CACNB1: variants seen among roughly 807,000 people sequenced by gnomAD.
CACNB1 encodes the protein calcium voltage-gated channel auxiliary subunit beta 1.
CACNB1 carries 29 observed loss-of-function variants against 71.6 expected under a neutral mutation model. The observed-to-expected ratio is 0.40, with a 90% CI of 0.30 to 0.55. The LOEUF (loss-of-function observed/expected upper bound fraction) is 0.55. CACNB1 is among the 20% of genes least tolerant of loss of function. The pLI, the probability that CACNB1 is intolerant of heterozygous loss-of-function variation, is 0.38. For synonymous variants in CACNB1, 300 were observed against 319.6 expected (o/e 0.94, Z 0.65); for missense variants, 623 against 801.8 (o/e 0.78, Z 2.69).
At chr17:39,180,066 A>C (rs1231089128) in intron 11 of CACNB1, among the ~76,000 whole-genome samples, 1 of 151,946 alleles carries the variant, frequency 6.6e-6, no homozygotes, top group Non-Finnish European at 1.5e-5. Context: ...GGAGTTCGAG[A>C]CCAGCCAGGC....
chr17:39,183,964 C>T lies in CACNB1; in HGVS notation c.898+67G>A. ...TGGAGATGGCCCTGCCCACTACCTCCCACACCTCCCACCCCTCCCACATCC... is the reference window on the plus strand; with the variant it reads ...TGGAGATGGCCCTGCCCACTACCTCTCACACCTCCCACCCCTCCCACATCC... On this transcript the variant is annotated intron_variant, in intron 10 of 13. Coordinates refer to ENST00000394303, the MANE Select transcript of CACNB1 (RefSeq NM_000723.5). The T allele has an allele frequency of 1.6e-5, 24 of 1,538,638 alleles. 2 individuals carry two copies. In the South Asian group the frequency reaches 2.5e-4, roughly 16 times the overall value.
chr17:39,187,582 G>A lies in CACNB1; in HGVS notation c.311C>T (p.Ala104Val). ...ATTGTAGCCAACATTTGTCCGCACA[G>A]CAAATGCCACTGGCTTGGTCTAGAG... Reference protein sequence around the residue: ...EKAKTKPVAFAVRTNVGYNPS... With the variant: ...EKAKTKPVAFVVRTNVGYNPS... The change falls in exon 4 of 14, where the codon GCT becomes GTT. Residue 104 changes from alanine (A) to valine (V), a missense_variant. Transcript: ENST00000394303. The A allele has an allele frequency of 1.2e-6, 2 of 1,614,200 alleles. No homozygotes were observed. Among genetic ancestry groups the A allele is most frequent in the Non-Finnish European group, 1.7e-6 (2 of 1,180,032 alleles).
In CACNB1 at chr17:39,186,621, G is replaced by A; in HGVS notation, c.552-49C>T. 6.4e-7 allele frequency: 1 copy of A among 1,556,712 alleles called. No homozygotes were observed. The highest frequency in any genetic ancestry group is 8.8e-7 in the Non-Finnish European group (1 of 1,131,354). On this transcript the variant is annotated intron_variant, in intron 5 of 13. Coordinates refer to ENST00000394303, the MANE Select transcript of CACNB1 (RefSeq NM_000723.5). This position sits in a 1 kb window ranked among gnomAD's most constrained non-coding sequence, Gnocchi z 4.1. ...GCTTGTGAGCAAAGAGGTGGGCGTG[G>A]GGGGCTCTCATCCTCTCACATGCGG...
chr17:39,183,338 AAG>A (rs1491258265), intron 11 of CACNB1, among the ~76,000 whole-genome samples: 7 of 116,708 alleles, frequency 6.0e-5, no homozygotes, highest in African/African-American at 3.0e-4. Flanking sequence ...ACTTAAAAAA[AAG>A]AAGAAGAAGA....
At chr17:39,183,567 G>C (rs751824614) in intron 11 of CACNB1, 146 bp downstream of exon 11, 71 of 688,080 alleles carry the variant, frequency 1.0e-4, no homozygotes, top group Middle Eastern at 4.1e-4. Flanking sequence ...TGAAACACTT[G>C]ACAATACGAT....
chr17:39,191,452 C>A, intron 3 of CACNB1, 22 bp downstream of exon 3: 2 of 1,589,314 alleles, frequency 1.3e-6, no homozygotes, highest in Non-Finnish European at 1.7e-6. Context: ...GCCAGCACAG[C>A]CCCTCCCCAC....
Position 39,185,154 on chromosome 17 carries a change from G to C in CACNB1, c.629-4C>G. On this transcript the variant is annotated splice_polypyrimidine_tract_variant and splice_region_variant and intron_variant, in intron 6 of 13. Transcript: ENST00000394303. ...ACCGACTTCTGCTTCTGTTTGGCTG[G>C]GTCCAGAGATTGCCAAGAGAGGGAA... The C allele has an allele frequency of 6.2e-7, 1 of 1,613,496 alleles. No individual in the cohort carries two copies. The highest frequency in any genetic ancestry group is 8.5e-7 in the Non-Finnish European group (1 of 1,179,454).
At chr17:39,195,499 C>A (rs777793935) in intron 1 of CACNB1, among the ~76,000 whole-genome samples, 1 of 152,136 alleles carries the variant, frequency 6.6e-6, no homozygotes, top group Non-Finnish European at 1.5e-5. Flanking sequence ...CCAACTCTTC[C>A]CTTCGCTATT....
chr17:39,184,154 C>A lies in CACNB1; in HGVS notation c.789-14G>T. ...GTGATGGAGATCCTGGGGAATGGGG[C>A]AAGAGGGGAGTCAGGGGTCAGGGTG... On this transcript the variant is annotated splice_polypyrimidine_tract_variant and intron_variant, in intron 9 of 13. Transcript: ENST00000394303. 2 of 1,537,782 alleles carry A rather than the reference C, an allele frequency of 1.3e-6. No homozygotes were observed. The highest frequency in any genetic ancestry group is 1.8e-6 in the Non-Finnish European group (2 of 1,111,472).
At position 39,174,511 on chromosome 17, in the gene CACNB1, G is replaced by C. The variant is rs75908957; in HGVS notation, c.*682C>G. 1.3e-5 allele frequency: 2 copies of C among 152,694 alleles called. No homozygotes were observed. Among genetic ancestry groups the C allele is most frequent in the Non-Finnish European group, 2.9e-5 (2 of 68,318 alleles). The allele number at this position is 152,694 out of a possible 1,614,324, so 9.5% of individuals were successfully genotyped here. A position where few individuals can be genotyped will look rare whatever the true frequency, so the allele number is the denominator to read the frequency against. On this transcript the variant is annotated 3_prime_UTR_variant, in exon 14 of 14. Coordinates refer to ENST00000394303, the MANE Select transcript of CACNB1 (RefSeq NM_000723.5). ...AGGCAAAGGCTGAGGCATGGAGGTGGGGGGTGGGGAGCAGCGTCTCGGCCG... is the reference window on the plus strand; with the variant it reads ...AGGCAAAGGCTGAGGCATGGAGGTGCGGGGTGGGGAGCAGCGTCTCGGCCG...
intron 3 of CACNB1, among the ~76,000 whole-genome samples, chr17:39,189,287 T>C (rs1249031393): frequency 6.6e-6 from 1 of 151,494 alleles, no homozygotes; most frequent in African/African-American, 2.4e-5. Context: ...CACTTGAATC[T>C]AGGAGGCAGA....
chr17:39,177,119 CCA>C, intron 13 of CACNB1: 1 of 1,426,510 alleles, frequency 7.0e-7, no homozygotes, highest in Non-Finnish European at 9.1e-7. Context: ...CCATCAAAAA[CCA>C]CAGACACCAG....
chr17:39,184,715 G>C, intron 8 of CACNB1, 69 bp downstream of exon 8: 1 of 1,123,634 alleles, frequency 8.9e-7, no homozygotes, highest in Admixed American at 1.7e-5. Context: ...GCCCTTCTAG[G>C]GGATCTCTCT....
At chr17:39,178,974 A>G (rs2045668424) in intron 11 of CACNB1, among the ~76,000 whole-genome samples, 2 of 152,176 alleles carry the variant, frequency 1.3e-5, no homozygotes, top group African/African-American at 4.8e-5. Context: ...AATTCAAGAA[A>G]GGCTGAGGAA....
chr17:39,183,990 G>T, intron 10 of CACNB1, 41 bp downstream of exon 10: 2 of 1,521,340 alleles, frequency 1.3e-6, no homozygotes, highest in Non-Finnish European at 1.8e-6. Context: ...TCCCACATCC[G>T]GCCCAGAAAG....
intron 12 of CACNB1, 50 bp from the exon 13 acceptor site, chr17:39,177,585 A>G: frequency 2.7e-6 from 4 of 1,480,974 alleles, no homozygotes; most frequent in Non-Finnish European, 3.7e-6. Flanking sequence ...GGGCATGGCC[A>G]AGGGGGTTGA....
rs918363785 is a variant in CACNB1, at chr17:39,197,582, C to T, written c.-87G>A. 2 of 1,051,536 alleles carry T rather than the reference C, an allele frequency of 1.9e-6. No homozygotes were observed. The highest frequency in any genetic ancestry group is 1.3e-6 in the Non-Finnish European group (1 of 746,608). The allele number at this position is 1,051,536 out of a possible 1,614,324, so 65.1% of individuals were successfully genotyped here. A position where few individuals can be genotyped will look rare whatever the true frequency, so the allele number is the denominator to read the frequency against. On this transcript the variant is annotated 5_prime_UTR_variant, in exon 1 of 14. Coordinates refer to ENST00000394303, the MANE Select transcript of CACNB1 (RefSeq NM_000723.5). ...GAGGCCGTGGGAGCCGAAAGCAGCG[C>T]GGCGCAGCCAGCACCCGGTCCAGCC... is the stretch of plus-strand genomic sequence containing the variant.
In CACNB1 at chr17:39,186,203, T is replaced by A. The variant is rs563286121; in HGVS notation, c.628+293A>T. ...CAAGTACAGAACGCAGGGATGGGGA[T>A]GGGGAAAAAAGAAAGAAGAAGAGGT... On this transcript the variant is annotated intron_variant, in intron 6 of 13. Transcript: ENST00000394303. This position sits in a 1 kb window ranked among gnomAD's most constrained non-coding sequence, Gnocchi z 4.1. 2 of 1,018,590 alleles carry A rather than the reference T, an allele frequency of 2.0e-6. No homozygotes were observed. Among genetic ancestry groups the A allele is most frequent in the African/African-American group, 1.6e-5 (1 of 62,050 alleles). The allele number at this position is 1,018,590 out of a possible 1,614,324, so 63.1% of individuals were successfully genotyped here.
chr17:39,178,439 A>G (rs191338796), intron 11 of CACNB1, among the ~76,000 whole-genome samples: 23 of 151,272 alleles, frequency 1.5e-4, no homozygotes, highest in African/African-American at 5.6e-4. Flanking sequence ...CCCAGGCTGA[A>G]GTGCAGTGGT....
Sources: allele counts gnomAD v4.1 joint callset (sites outside exome capture counted in the v4.1 genomes callset), GRCh38; gene constraint gnomAD v4.1.1; non-coding constraint Gnocchi (gnomAD v3.1); transcripts MANE v1.5; gene names NCBI Gene and HGNC (gene_info 2026-07-23, HGNC 2026-07-21).